Variants in GPM6A observed in about 807,000 individuals in gnomAD.
GPM6A encodes the protein neuronal membrane glycoprotein M6-a.
In GPM6A, 7 loss-of-function variants were observed where a neutral mutation model predicts 32.1. The observed-to-expected ratio is 0.22, with a 90% CI of 0.12 to 0.41. The LOEUF is 0.41. Among genes scored for constraint, GPM6A ranks in the 10% least tolerant of loss-of-function variants. The pLI is 1.00. For synonymous variants in GPM6A, 130 were observed against 123.4 expected (o/e 1.05, Z -0.35); for missense variants, 235 against 347.2 (o/e 0.68, Z 2.57).
At chr4:175,689,855 A>T (rs116830190) in intron 2 of GPM6A, among the ~76,000 whole-genome samples, 225 of 152,344 alleles carry the variant, frequency 1.5e-3, no homozygotes, top group African/African-American at 5.0e-3. Context: ...GTCACTGCTT[A>T]GAATGAGGTG....
At chr4:175,834,004 A>T (rs1735691042) in intron 1 of GPM6A, among the ~76,000 whole-genome samples, 1 of 152,096 alleles carries the variant, frequency 6.6e-6, no homozygotes, top group Non-Finnish European at 1.5e-5. Context: ...TTTCAGAAAA[A>T]GTTGGTCCTA....
intron 1 of GPM6A, among the ~76,000 whole-genome samples, chr4:175,908,386 A>G (rs1244269931): frequency 6.6e-6 from 1 of 152,084 alleles, no homozygotes; most frequent in Non-Finnish European, 1.5e-5. Flanking sequence ...CTATATCCTC[A>G]TCTGCAAAGT....
intron 1 of GPM6A, among the ~76,000 whole-genome samples, chr4:175,767,591 T>C (rs1223114712): frequency 1.3e-5 from 2 of 152,234 alleles, no homozygotes; most frequent in African/African-American, 4.8e-5. Flanking sequence ...TTTAGGAGAC[T>C]TTTAATAAAA....
intron 1 of GPM6A, chr4:176,002,259 C>T: frequency 6.3e-7 from 1 of 1,582,076 alleles, no homozygotes; most frequent in Non-Finnish European, 8.6e-7. Context: ...AATGCCCATT[C>T]CCGAGGCCGA....
intron 2 of GPM6A, among the ~76,000 whole-genome samples, chr4:175,680,153 A>G (rs1198792668): frequency 6.6e-6 from 1 of 152,218 alleles, no homozygotes. Flanking sequence ...GTGTGTTCAT[A>G]TATACATATA....
intron 1 of GPM6A, among the ~76,000 whole-genome samples, chr4:175,888,148 A>T (rs1737520881): frequency 6.6e-6 from 1 of 152,014 alleles, no homozygotes; most frequent in Non-Finnish European, 1.5e-5. Context: ...ACATCTGAGT[A>T]CAAAGATAGC....
chr4:175,852,943 G>A (rs569655701), intron 1 of GPM6A, among the ~76,000 whole-genome samples: 5 of 152,164 alleles, frequency 3.3e-5, no homozygotes, highest in South Asian at 2.1e-4. Context: ...TGTCTCAATC[G>A]ATGCGCAATA....
intron 1 of GPM6A, among the ~76,000 whole-genome samples, chr4:175,747,215 A>G (rs923420271): frequency 1.4e-5 from 2 of 144,614 alleles, no homozygotes; most frequent in Non-Finnish European, 3.0e-5. Context: ...AGTTGCAGTT[A>G]GCCGAGATTG....
intron 1 of GPM6A, among the ~76,000 whole-genome samples, chr4:175,905,141 A>T (rs377494688): frequency 1.6e-4 from 24 of 152,308 alleles, no homozygotes; most frequent in African/African-American, 5.8e-4. Context: ...GGAAAACAGG[A>T]TTAGGCTTTT....
At chr4:175,883,663 C>T (rs753348005) in intron 1 of GPM6A, among the ~76,000 whole-genome samples, 3 of 152,054 alleles carry the variant, frequency 2.0e-5, no homozygotes, top group African/African-American at 4.8e-5. Flanking sequence ...TTAATATCCG[C>T]AATATTGACA....
intron 1 of GPM6A, among the ~76,000 whole-genome samples, chr4:175,762,730 A>C (rs1732798517): frequency 6.6e-6 from 1 of 152,198 alleles, no homozygotes; most frequent in Non-Finnish European, 1.5e-5. Flanking sequence ...CCACACGTGA[A>C]AATGCATGTC....
intron 1 of GPM6A, among the ~76,000 whole-genome samples, chr4:175,888,928 G>T (rs2111471501): frequency 6.6e-6 from 1 of 152,214 alleles, no homozygotes; most frequent in South Asian, 2.1e-4. Flanking sequence ...TGAATATTAT[G>T]ATACTGCCAT....
At chr4:175,724,689 T>C (rs1400419732) in intron 1 of GPM6A, among the ~76,000 whole-genome samples, 1 of 152,162 alleles carries the variant, frequency 6.6e-6, no homozygotes. Context: ...TAAATATGCA[T>C]GGCAATAAAA....
intron 2 of GPM6A, among the ~76,000 whole-genome samples, chr4:175,692,616 A>C (rs1433992850): frequency 6.6e-6 from 1 of 151,910 alleles, no homozygotes; most frequent in Admixed American, 6.6e-5. Context: ...TATTTTTCTC[A>C]GTTTTTTTAA....
chr4:175,890,785 A>C (rs1737624384), intron 1 of GPM6A, among the ~76,000 whole-genome samples: 1 of 152,002 alleles, frequency 6.6e-6, no homozygotes, highest in South Asian at 2.1e-4. Flanking sequence ...CAAACCCCTG[A>C]CCTCAAGTGA....
chr4:175,908,529 TA>T lies in GPM6A; in HGVS notation c.-23+93779del, dbSNP rs201571205. Among the ~76,000 whole-genome samples, 50 of 150,854 alleles carry T rather than the reference TA, an allele frequency of 3.3e-4. No individual in the cohort carries two copies. In the East Asian group the frequency reaches 5.3e-3, roughly 16 times the overall value. On this transcript the variant is annotated intron_variant, in intron 1 of 7. Transcript: ENST00000280187. The stretch of plus-strand genomic sequence containing the variant: ...TGAAAATCCTCAAGTTTTCCAAAGT[TA>T]AAAAAAAAGACAGTTTAAAAGAAAA...
At position 175,954,495 on chromosome 4, in the gene GPM6A, G is replaced by C. The variant is rs534228533; in HGVS notation, c.-23+47814C>G. On this transcript the variant is annotated intron_variant, in intron 1 of 7. Transcript: ENST00000280187. ...ATTAGAGTTTTAATTAAAATGTGTA[G>C]AGTACTGAGGACAGTGGCTAGCAAA... 9.8e-5 allele frequency among the ~76,000 whole-genome samples: 15 copies of C among 152,330 alleles called. No individual in the cohort carries two copies. In the South Asian group the frequency reaches 3.1e-3, roughly 32 times the overall value.
chr4:175,718,999 TTTAA>T (rs1745980469), intron 1 of GPM6A, among the ~76,000 whole-genome samples: 1 of 152,192 alleles, frequency 6.6e-6, no homozygotes, highest in African/African-American at 2.4e-5. Flanking sequence ...AGACAGTTTC[TTTAA>T]TTTAGTTCAT....
chr4:175,818,788 G>A (rs561511921), intron 1 of GPM6A, among the ~76,000 whole-genome samples: 2 of 152,272 alleles, frequency 1.3e-5, no homozygotes, highest in South Asian at 4.1e-4. Flanking sequence ...TTCCCCAGCA[G>A]TTGAAGGCAA....
Sources: allele counts gnomAD v4.1 joint callset (sites outside exome capture counted in the v4.1 genomes callset), GRCh38; gene constraint gnomAD v4.1.1; transcripts MANE v1.5; gene names NCBI Gene and HGNC (gene_info 2026-07-23, HGNC 2026-07-21).